Variants in CNTNAP2 observed in about 807,000 individuals in gnomAD.
CNTNAP2 encodes contactin-associated protein-like 2.
Under a neutral mutation model 155.2 loss-of-function variants are expected in CNTNAP2, and 98 were observed. That is an observed-to-expected ratio of 0.63 (90% CI 0.54 to 0.75). The LOEUF (loss-of-function observed/expected upper bound fraction) is 0.75, where lower values mean the gene tolerates loss of function less well. Among genes scored for constraint, CNTNAP2 ranks in the 30% least tolerant of loss-of-function variants. The pLI, the probability that CNTNAP2 is intolerant of heterozygous loss-of-function variation, is 0.00. For missense variants in CNTNAP2, 1,727 were observed against 1,688.1 expected (o/e 1.02, Z -0.40); for synonymous variants, 651 against 631.2 (o/e 1.03, Z -0.47).
intron 16 of CNTNAP2, among the ~76,000 whole-genome samples, chr7:148,128,166 G>A (rs959114073): frequency 2.0e-5 from 3 of 152,136 alleles, no homozygotes; most frequent in African/African-American, 7.2e-5. Context: ...ACCATGCCGG[G>A]CCTCTGGATT....
At chr7:147,091,841 C>G (rs576061622) in intron 4 of CNTNAP2, among the ~76,000 whole-genome samples, 1 of 152,116 alleles carries the variant, frequency 6.6e-6, no homozygotes, top group Non-Finnish European at 1.5e-5. Flanking sequence ...CTCCTGACCT[C>G]GTGATCCACC....
At chr7:146,475,013 GCACACACA>G (rs60787049) in intron 1 of CNTNAP2, among the ~76,000 whole-genome samples, 2 of 144,304 alleles carry the variant, frequency 1.4e-5, no homozygotes, top group Admixed American at 6.8e-5. Context: ...GCGCGCGCGC[GCACACACA>G]CACACACACA....
rs142381673 is a variant in CNTNAP2 at position 148,350,742 on chromosome 7, G to A, written c.3476-32907G>A. 9.9e-5 allele frequency among the ~76,000 whole-genome samples: 15 copies of A among 152,234 alleles called. No homozygotes were observed. The East Asian group carries it at 1.4e-3, about 14-fold the overall frequency. On this transcript the variant is annotated intron_variant, in intron 21 of 23. Transcript: ENST00000361727. ...ATATATTTCGTGGTTTCATTAAATC[G>A]GCCTTGGTAGACAAGCTGTTCTTTC... is the stretch of plus-strand genomic sequence containing the variant.
At chr7:146,224,589 TA>T (rs2116902766) in intron 1 of CNTNAP2, among the ~76,000 whole-genome samples, 1 of 27,074 alleles carries the variant, frequency 3.7e-5, no homozygotes, top group African/African-American at 1.4e-4. Flanking sequence ...CTACAAAAAA[TA>T]CAAAAAAAAA....
intron 1 of CNTNAP2, among the ~76,000 whole-genome samples, chr7:146,455,825 CT>C (rs1796546902): frequency 6.6e-6 from 1 of 152,062 alleles, no homozygotes; most frequent in East Asian, 1.9e-4. Flanking sequence ...GTCAGTTGGT[CT>C]TTCTATTTTT....
Position 146,681,388 on chromosome 7 carries a change from G to C in CNTNAP2, c.98-92883G>C, listed in dbSNP as rs1800498855. Among the ~76,000 whole-genome samples the C allele has an allele frequency of 2.4e-5, 3 of 126,798 alleles. No homozygotes were observed. The South Asian group carries it at 9.3e-4, about 39-fold the overall frequency. 83.2% of individuals were successfully genotyped at this position (126,798 alleles called of 152,430 possible). On this transcript the variant is annotated intron_variant, in intron 1 of 23. Coordinates refer to ENST00000361727, the MANE Select transcript of CNTNAP2 (RefSeq NM_014141.6). ...GTGTTTAGAAATGGTGTTATTCATG[G>C]ACACATAGAGGGAAACAAGACACAC... is the stretch of plus-strand genomic sequence containing the variant.
At position 146,692,887 on chromosome 7, in the gene CNTNAP2, A is replaced by AT. The variant is rs1800721022; in HGVS notation, c.98-81378dup. The stretch of plus-strand genomic sequence containing the variant: ...AATAAAGCAAACCAAAATGTCATCC[A>AT]TTTTTTCCCTGCAGTTCGTCAGCCA... On this transcript the variant is annotated intron_variant, in intron 1 of 23. Transcript: ENST00000361727. 3.3e-5 allele frequency among the ~76,000 whole-genome samples: 5 copies of AT among 152,078 alleles called. No homozygotes were observed. In the South Asian group the frequency reaches 8.3e-4, roughly 25 times the overall value.
intron 16 of CNTNAP2, among the ~76,000 whole-genome samples, chr7:148,132,202 C>T (rs1223302088): frequency 6.6e-6 from 1 of 152,034 alleles, no homozygotes; most frequent in Non-Finnish European, 1.5e-5. Context: ...TCTCAAGATG[C>T]ATTTTACTGA....
intron 21 of CNTNAP2, among the ~76,000 whole-genome samples, chr7:148,332,615 C>A (rs143342813): frequency 1.3e-5 from 2 of 152,158 alleles, no homozygotes; most frequent in Non-Finnish European, 2.9e-5. Context: ...GTTCTGGATA[C>A]TAAAACAAAC....
intron 1 of CNTNAP2, among the ~76,000 whole-genome samples, chr7:146,645,426 G>T (rs1482032074): frequency 6.6e-6 from 1 of 152,098 alleles, no homozygotes; most frequent in Non-Finnish European, 1.5e-5. Context: ...TAGAGGGTCT[G>T]CATACCCCCT....
chr7:146,307,012 A>G (rs570769176), intron 1 of CNTNAP2, among the ~76,000 whole-genome samples: 3 of 152,186 alleles, frequency 2.0e-5, no homozygotes, highest in Non-Finnish European at 2.9e-5. Flanking sequence ...AATAAAGGGT[A>G]TTCATTTAGG....
chr7:148,339,834 T>G (rs1469951025), intron 21 of CNTNAP2, among the ~76,000 whole-genome samples: 2 of 152,150 alleles, frequency 1.3e-5, no homozygotes, highest in South Asian at 4.1e-4. Flanking sequence ...ATCTTCTCTC[T>G]GCAAGGTCGG....
intron 9 of CNTNAP2, among the ~76,000 whole-genome samples, chr7:147,313,775 A>C (rs1296883537): frequency 6.6e-6 from 1 of 152,072 alleles, no homozygotes; most frequent in Non-Finnish European, 1.5e-5. Context: ...TGAACTTTAA[A>C]GTAGTTTTTT....
chr7:147,021,175 T>C (rs758404172), intron 3 of CNTNAP2, among the ~76,000 whole-genome samples: 1 of 152,144 alleles, frequency 6.6e-6, no homozygotes, highest in African/African-American at 2.4e-5. Context: ...TTGTAAACTT[T>C]ATTAAAACCT....
intron 1 of CNTNAP2, among the ~76,000 whole-genome samples, chr7:146,237,426 T>C (rs1271552033): frequency 6.6e-6 from 1 of 152,224 alleles, no homozygotes; most frequent in Non-Finnish European, 1.5e-5. Context: ...ATTACTTTGA[T>C]TTAGAAAAAA....
At chr7:148,348,783 G>T (rs1445945719) in intron 21 of CNTNAP2, among the ~76,000 whole-genome samples, 1 of 152,224 alleles carries the variant, frequency 6.6e-6, no homozygotes, top group Non-Finnish European at 1.5e-5. Flanking sequence ...CAGTATGTAT[G>T]AACAGCTTCA....
At chr7:147,542,990 A>G (rs1799666413) in intron 11 of CNTNAP2, among the ~76,000 whole-genome samples, 1 of 152,148 alleles carries the variant, frequency 6.6e-6, no homozygotes, top group Admixed American at 6.5e-5. Flanking sequence ...AGCTGGGGAG[A>G]CCCTAACCCA....
intron 4 of CNTNAP2, among the ~76,000 whole-genome samples, chr7:147,083,641 ATATC>A (rs1800192927): frequency 6.9e-6 from 1 of 145,418 alleles, no homozygotes; most frequent in African/African-American, 2.5e-5. Flanking sequence ...ATGTGTGTAT[ATATC>A]TATAATGCTA....
At chr7:146,489,190 T>C (rs1797102792) in intron 1 of CNTNAP2, among the ~76,000 whole-genome samples, 1 of 152,192 alleles carries the variant, frequency 6.6e-6, no homozygotes, top group Non-Finnish European at 1.5e-5. Context: ...ATGTACCCTA[T>C]AAATATGTAC....
Sources: allele counts gnomAD v4.1 joint callset (sites outside exome capture counted in the v4.1 genomes callset), GRCh38; gene constraint gnomAD v4.1.1; transcripts MANE v1.5; gene names NCBI Gene and HGNC (gene_info 2026-07-23, HGNC 2026-07-21).